PAPPA2: variants seen among roughly 807,000 people sequenced by gnomAD.
The protein encoded by PAPPA2 is pappalysin-2.
Under a neutral mutation model 176.4 loss-of-function variants are expected in PAPPA2, and 86 were observed. The observed-to-expected ratio is 0.49, with a 90% CI of 0.41 to 0.58. The LOEUF (loss-of-function observed/expected upper bound fraction) is 0.58, where lower values mean the gene tolerates loss of function less well. PAPPA2 is among the 20% of genes least tolerant of loss of function. The probability of loss-of-function intolerance (pLI) is 0.00; values close to 1 mark genes in which losing one functional copy is unlikely to be tolerated. For synonymous variants in PAPPA2, 809 were observed against 852.2 expected (o/e 0.95, Z 0.88); for missense variants, 2,073 against 2,256.9 (o/e 0.92, Z 1.65).
intron 14 of PAPPA2, among the ~76,000 whole-genome samples, chr1:176,748,037 A>G (rs778296936): frequency 1.3e-5 from 2 of 152,244 alleles, no homozygotes; most frequent in Non-Finnish European, 2.9e-5. Flanking sequence ...CTTTTGTAAC[A>G]TAATCACAAG....
chr1:176,630,567 G>T (rs888513128), intron 3 of PAPPA2, among the ~76,000 whole-genome samples: 1 of 152,082 alleles, frequency 6.6e-6, no homozygotes, highest in Non-Finnish European at 1.5e-5. Context: ...TGGGTTGGAG[G>T]GGGGACATTG....
chr1:176,635,518 G>T (rs1367664158), intron 3 of PAPPA2, among the ~76,000 whole-genome samples: 1 of 152,042 alleles, frequency 6.6e-6, no homozygotes, highest in Admixed American at 6.6e-5. Flanking sequence ...ACTCTCAAAT[G>T]GCAGCCTTCA....
intron 4 of PAPPA2, among the ~76,000 whole-genome samples, chr1:176,689,485 T>C (rs1660001003): frequency 6.6e-6 from 1 of 152,202 alleles, no homozygotes; most frequent in South Asian, 2.1e-4. Flanking sequence ...GACTAGTTGT[T>C]GAGAGTAGGG....
intron 12 of PAPPA2, among the ~76,000 whole-genome samples, chr1:176,724,395 G>A (rs928318051): frequency 6.6e-6 from 1 of 152,172 alleles, no homozygotes; most frequent in Non-Finnish European, 1.5e-5. Context: ...GACAACAAAT[G>A]AAGCAATTTG....
chr1:176,793,554 T>C lies in PAPPA2; in HGVS notation c.5021-6T>C. 1.2e-6 allele frequency: 2 copies of C among 1,600,260 alleles called. No individual in the cohort carries two copies. Among genetic ancestry groups the C allele is most frequent in the Non-Finnish European group, 1.7e-6 (2 of 1,168,548 alleles). ...AAGTCTCTGCTGTAAACTTCTGTTC[T>C]TTCAGGTGCAGTGTGTTCCCCATTG... On this transcript the variant is annotated splice_region_variant and splice_polypyrimidine_tract_variant and intron_variant, in intron 19 of 22. Coordinates refer to ENST00000367662, the MANE Select transcript of PAPPA2 (RefSeq NM_020318.3).
intron 1 of PAPPA2, among the ~76,000 whole-genome samples, chr1:176,513,565 C>T (rs1648740988): frequency 6.6e-6 from 1 of 152,152 alleles, no homozygotes; most frequent in South Asian, 2.1e-4. Flanking sequence ...GTTGGAAGAT[C>T]TGAGTTCCCA....
intron 3 of PAPPA2, among the ~76,000 whole-genome samples, chr1:176,610,713 G>T (rs1654869913): frequency 6.6e-6 from 1 of 152,066 alleles, no homozygotes; most frequent in South Asian, 2.1e-4. Context: ...TAGTAAAATG[G>T]CCTCTTCTCT....
chr1:176,719,321 CATG>C (rs1325108006), intron 12 of PAPPA2, among the ~76,000 whole-genome samples: 1 of 151,446 alleles, frequency 6.6e-6, no homozygotes, highest in East Asian at 1.9e-4. Context: ...GAAACAGAAA[CATG>C]AAGAAATAAA....
chr1:176,577,760 G>T (rs565047035), intron 2 of PAPPA2, among the ~76,000 whole-genome samples: 4 of 152,112 alleles, frequency 2.6e-5, no homozygotes, highest in African/African-American at 7.2e-5. Context: ...GCACGTACAT[G>T]TGTGGGACGG....
At chr1:176,737,785 A>G (rs2102870838) in intron 12 of PAPPA2, among the ~76,000 whole-genome samples, 1 of 152,178 alleles carries the variant, frequency 6.6e-6, no homozygotes, top group African/African-American at 2.4e-5. Context: ...AATAGGTTGG[A>G]GGTTTAGGCA....
At chr1:176,724,820 A>G (rs564838804) in intron 12 of PAPPA2, among the ~76,000 whole-genome samples, 35 of 152,318 alleles carry the variant, frequency 2.3e-4, no homozygotes, top group African/African-American at 8.4e-4. Flanking sequence ...TTATTCTATT[A>G]CTGATATTTT....
In PAPPA2 at chr1:176,690,866, G is replaced by A. The variant is rs934161599; in HGVS notation, c.2431+436G>A. On this transcript the variant is annotated intron_variant, in intron 5 of 22. Transcript: ENST00000367662. Reference sequence around the variant, plus strand: ...TACTGTTTTTGAAGTTGGTCAACAAGGTGGCTTGGTTAATTTAGGCTCAGC... The same window carrying A: ...TACTGTTTTTGAAGTTGGTCAACAAAGTGGCTTGGTTAATTTAGGCTCAGC... 9.1e-6 allele frequency: 9 copies of A among 986,932 alleles called. No individual in the cohort carries two copies. In the African/African-American group the frequency reaches 1.6e-4, roughly 18 times the overall value. 61.1% of individuals were successfully genotyped at this position (986,932 alleles called of 1,614,324 possible). A position where few individuals can be genotyped will look rare whatever the true frequency, so the allele number is the denominator to read the frequency against.
At chr1:176,633,976 C>G (rs922738751) in intron 3 of PAPPA2, among the ~76,000 whole-genome samples, 8 of 152,138 alleles carry the variant, frequency 5.3e-5, no homozygotes, top group Admixed American at 6.5e-5. Context: ...GAAATAGGAA[C>G]ACTTTTACAC....
chr1:176,537,412 T>C (rs774276146), intron 1 of PAPPA2: 3 of 152,214 alleles, frequency 2.0e-5, no homozygotes, highest in Non-Finnish European at 4.4e-5. Context: ...GCTTTCTAAT[T>C]AGTCCCTTAA....
intron 14 of PAPPA2, among the ~76,000 whole-genome samples, chr1:176,759,304 C>A (rs1215415254): frequency 6.6e-6 from 1 of 152,120 alleles, no homozygotes; most frequent in East Asian, 1.9e-4. Flanking sequence ...AATATCCCAT[C>A]ATTTCTTTTG....
chr1:176,777,583 A>T (rs1353539420), intron 17 of PAPPA2, among the ~76,000 whole-genome samples: 1 of 152,176 alleles, frequency 6.6e-6, no homozygotes, highest in African/African-American at 2.4e-5. Flanking sequence ...CTGGTTAATT[A>T]TACAGGCTCT....
At chr1:176,601,466 A>G (rs779590888) in intron 3 of PAPPA2, among the ~76,000 whole-genome samples, 18 of 152,306 alleles carry the variant, frequency 1.2e-4, no homozygotes, top group Admixed American at 2.0e-4. Flanking sequence ...AGCATCAAAC[A>G]TCTGCAACCC....
intron 6 of PAPPA2, among the ~76,000 whole-genome samples, chr1:176,694,410 A>G (rs1328304645): frequency 2.0e-5 from 3 of 152,234 alleles, no homozygotes; most frequent in Admixed American, 1.3e-4. Flanking sequence ...TCATTTGTAA[A>G]CATAAGGTTA....
chr1:176,475,043 G>A (rs1291449602), intron 1 of PAPPA2, among the ~76,000 whole-genome samples: 1 of 152,152 alleles, frequency 6.6e-6, no homozygotes, highest in Non-Finnish European at 1.5e-5. Flanking sequence ...TTGGTTGGTG[G>A]TATTAAGAGA....
Sources: gnomAD v4.1 joint callset for allele counts (sites outside exome capture counted in the v4.1 genomes callset) on GRCh38, gnomAD v4.1.1 for gene constraint, MANE v1.5 for transcripts, NCBI Gene and HGNC (gene_info 2026-07-23, HGNC 2026-07-21) for gene names.